The following RNF11 variants were observed in gnomAD, a reference collection of about 807,000 sequenced individuals.
RNF11 encodes ring finger protein 11.
RNF11 carries 4 observed loss-of-function variants against 15.8 expected under a neutral mutation model. That is an observed-to-expected ratio of 0.25 (90% CI 0.12 to 0.58). The LOEUF (loss-of-function observed/expected upper bound fraction) is 0.58, where lower values mean the gene tolerates loss of function less well. Among genes scored for constraint, RNF11 ranks in the 20% least tolerant of loss-of-function variants. The pLI is 0.91. For synonymous variants in RNF11, 68 were observed against 72.3 expected (o/e 0.94, Z 0.30); for missense variants, 139 against 194.4 (o/e 0.71, Z 1.70).
intron 1 of RNF11, among the ~76,000 whole-genome samples, chr1:51,256,318 A>G (rs1646904146): frequency 6.6e-6 from 1 of 152,224 alleles, no homozygotes; most frequent in African/African-American, 2.4e-5. Context: ...ATCATACAGT[A>G]TGTAGCCTTT....
At chr1:51,253,456 G>A (rs111953590) in intron 1 of RNF11, among the ~76,000 whole-genome samples, 2,264 of 150,748 alleles carry the variant, frequency 0.015, 25 homozygotes, top group Middle Eastern at 0.058. Flanking sequence ...CCAGGAGCTC[G>A]AGGTAACAGT....
chr1:51,250,014 G>A (rs577336712), intron 1 of RNF11, among the ~76,000 whole-genome samples: 1 of 152,282 alleles, frequency 6.6e-6, no homozygotes, highest in South Asian at 2.1e-4. Context: ...TCCTGTTGAT[G>A]TGTTTCAAAA....
intron 1 of RNF11, among the ~76,000 whole-genome samples, chr1:51,260,245 A>G (rs1013810993): frequency 1.3e-5 from 2 of 152,194 alleles, no homozygotes; most frequent in African/African-American, 4.8e-5. Flanking sequence ...TACAAATACA[A>G]TTAATTTATG....
intron 1 of RNF11, among the ~76,000 whole-genome samples, chr1:51,256,255 A>G (rs1646903835): frequency 6.6e-6 from 1 of 152,130 alleles, no homozygotes; most frequent in African/African-American, 2.4e-5. Flanking sequence ...ACAACCACTG[A>G]TGGTTCTATT....
chr1:51,268,923 G>A (rs1012915520), intron 1 of RNF11, among the ~76,000 whole-genome samples: 3 of 152,196 alleles, frequency 2.0e-5, no homozygotes, highest in East Asian at 1.9e-4. Flanking sequence ...GAATCATGAC[G>A]TTGGGGAGAT....
intron 1 of RNF11, among the ~76,000 whole-genome samples, chr1:51,253,232 T>C: frequency 6.6e-6 from 1 of 152,096 alleles, no homozygotes; most frequent in East Asian, 1.9e-4. Context: ...TGCATAATAT[T>C]TAGAAAATAA....
intron 1 of RNF11, among the ~76,000 whole-genome samples, chr1:51,243,920 T>A (rs1646840983): frequency 6.6e-6 from 1 of 152,226 alleles, no homozygotes; most frequent in South Asian, 2.1e-4. Context: ...TGCTTTCCTG[T>A]CTTTGCCCAT....
chr1:51,247,407 A>G lies in RNF11; in HGVS notation c.123+10528A>G, dbSNP rs528415016. On this transcript the variant is annotated intron_variant, in intron 1 of 2. Transcript: ENST00000242719. ...AAGTGTCTGGGTTTTTTGGTTTTCA[A>G]TTAGGTTCCTCAGGTTAAATGGAAG... Among the ~76,000 whole-genome samples, 91 of 151,832 alleles carry G rather than the reference A, an allele frequency of 6.0e-4. 1 individual carries two copies. Among genetic ancestry groups the G allele is most frequent in the Non-Finnish European group, 1.0e-3 (69 of 67,896 alleles).
At chr1:51,255,334 C>T (rs769739417) in intron 1 of RNF11, among the ~76,000 whole-genome samples, 3 of 152,180 alleles carry the variant, frequency 2.0e-5, no homozygotes, top group Non-Finnish European at 4.4e-5. Flanking sequence ...AATCATAGCT[C>T]ATTGCAGCCT....
chr1:51,271,069 T>G (rs777890160), intron 2 of RNF11, 82 bp from the exon 3 acceptor site: 7 of 1,154,994 alleles, frequency 6.1e-6, no homozygotes, highest in Non-Finnish European at 8.9e-6. Flanking sequence ...AGATTAACAC[T>G]GTCTTTAATG....
At chr1:51,242,381 C>T (rs1365619582) in intron 1 of RNF11, among the ~76,000 whole-genome samples, 2 of 145,332 alleles carry the variant, frequency 1.4e-5, no homozygotes, top group Non-Finnish European at 3.0e-5. Flanking sequence ...CATCCCAGCA[C>T]TTAGGTGGCA....
At position 51,256,865 on chromosome 1, in the gene RNF11, G is replaced by C. The variant is rs144379223; in HGVS notation, c.124-13091G>C. Among the ~76,000 whole-genome samples the C allele has an allele frequency of 1.6e-3, 237 of 152,212 alleles. 8 individuals carry two copies. The East Asian group carries it at 0.039, about 25-fold the overall frequency. ...ATTTTTGCATTTTTAGTAGAGACGG[G>C]GTTTCACCATGTTGGCCAGGCTGGT... On this transcript the variant is annotated intron_variant, in intron 1 of 2. Coordinates refer to ENST00000242719, the MANE Select transcript of RNF11 (RefSeq NM_014372.5).
At chr1:51,249,853 C>T (rs1376073261) in intron 1 of RNF11, among the ~76,000 whole-genome samples, 1 of 152,112 alleles carries the variant, frequency 6.6e-6, no homozygotes, top group East Asian at 1.9e-4. Context: ...GTTTTTCCTG[C>T]AGCATTTTAC....
chr1:51,264,272 AAAAAAAAAAAAAAAAAT>A (rs1288151764), intron 1 of RNF11, among the ~76,000 whole-genome samples: 4 of 90,638 alleles, frequency 4.4e-5, no homozygotes, highest in Non-Finnish European at 6.2e-5. Context: ...AAAAAAAAAA[AAAAAAAAAAAAAAAAAT>A]ATATATATAT....
intron 1 of RNF11, among the ~76,000 whole-genome samples, chr1:51,264,304 A>ATG (rs1471293714): frequency 1.7e-3 from 190 of 110,616 alleles, no homozygotes; most frequent in Non-Finnish European, 2.3e-3. Context: ...ATATATATAT[A>ATG]TATATATATA....
intron 1 of RNF11, among the ~76,000 whole-genome samples, chr1:51,269,111 C>T (rs975045150): frequency 6.6e-6 from 1 of 152,176 alleles, no homozygotes; most frequent in Non-Finnish European, 1.5e-5. Context: ...ATTCTTCAGA[C>T]TGAAAATCTC....
intron 1 of RNF11, among the ~76,000 whole-genome samples, chr1:51,252,909 C>T (rs1373420889): frequency 6.6e-6 from 1 of 151,600 alleles, no homozygotes; most frequent in Non-Finnish European, 1.5e-5. Flanking sequence ...TCACTGCAAC[C>T]TCCACCTCCC....
intron 1 of RNF11, chr1:51,251,228 GA>G (rs1646876070): frequency 7.4e-7 from 1 of 1,344,552 alleles, no homozygotes; most frequent in Non-Finnish European, 1.0e-6. Flanking sequence ...TGGGCAGGGA[GA>G]AGAGATAGAT....
chr1:51,236,724 C>G lies in RNF11; in HGVS notation c.-33C>G, dbSNP rs757467722. 1.9e-5 allele frequency: 31 copies of G among 1,607,398 alleles called. No individual in the cohort carries two copies. The highest frequency in any genetic ancestry group is 1.4e-4 in the Admixed American group (8 of 59,258). On this transcript the variant is annotated 5_prime_UTR_variant, in exon 1 of 3. Transcript: ENST00000242719. ...GCGAACGACCCCACCGCTGCTTTCT[C>G]CTCCCCCAGATCACGCACCCCAGCT... is the stretch of plus-strand genomic sequence containing the variant.
Sources: allele counts gnomAD v4.1 joint callset (sites outside exome capture counted in the v4.1 genomes callset), GRCh38; gene constraint gnomAD v4.1.1; transcripts MANE v1.5; gene names NCBI Gene and HGNC (gene_info 2026-07-23, HGNC 2026-07-21).